XRRA1: variants seen among roughly 807,000 people sequenced by gnomAD.
XRRA1 encodes X-ray radiation resistance associated 1.
A neutral mutation model predicts 80.2 loss-of-function variants in XRRA1; 69 were observed. The ratio of observed to expected loss-of-function variants is 0.86; its 90% CI spans 0.71 to 1.05. The LOEUF (loss-of-function observed/expected upper bound fraction) is 1.05. Ranked by LOEUF, XRRA1 falls within the 50% of genes least tolerant of loss-of-function variation. The pLI is 0.00. For missense variants in XRRA1, 967 were observed against 976.4 expected (o/e 0.99, Z 0.13); for synonymous variants, 348 against 389.9 (o/e 0.89, Z 1.27).
chr11:74,854,677 AT>A (rs2040652196), intron 12 of XRRA1, among the ~76,000 whole-genome samples: 1 of 152,200 alleles, frequency 6.6e-6, no homozygotes, highest in Non-Finnish European at 1.5e-5. Context: ...GATTGGGCCC[AT>A]GGCCCAAATC....
intron 8 of XRRA1, among the ~76,000 whole-genome samples, chr11:74,908,531 T>A (rs1217516069): frequency 6.6e-6 from 1 of 152,224 alleles, no homozygotes; most frequent in Non-Finnish European, 1.5e-5. Context: ...ATTTCACAGG[T>A]GCATTTAGAG....
intron 10 of XRRA1, among the ~76,000 whole-genome samples, chr11:74,884,747 C>G (rs998766073): frequency 7.2e-5 from 11 of 152,164 alleles, no homozygotes; most frequent in African/African-American, 2.7e-4. Flanking sequence ...AGGGCTGCTT[C>G]AATACCAGAA....
rs934924567 is a variant in XRRA1 at position 74,851,146 on chromosome 11, C to T, written c.1322G>A (p.Arg441Gln). The part of the protein sequence containing the change: ...LQERLGIHLI[R>Q]RKIVKPKHHV... ...ATGCTTAGGCTTTACTATCTTCCTT[C>T]GAATTAAGTGGATTCCCAGTCGCTC... Residue 441 changes from arginine (R) to glutamine (Q), a missense_variant, in exon 14 of 19, where the codon CGA (arginine) becomes CAA (glutamine). Transcript: ENST00000684022. The T allele has an allele frequency of 9.9e-6, 16 of 1,612,994 alleles. No individual in the cohort carries two copies. Among genetic ancestry groups the T allele is most frequent in the South Asian group, 3.3e-5 (3 of 91,038 alleles).
chr11:74,927,514 T>A (rs769431376), intron 6 of XRRA1, 26 bp from the exon 7 acceptor site: 1 of 1,468,878 alleles, frequency 6.8e-7, no homozygotes, highest in East Asian at 2.3e-5. Flanking sequence ...AAAGAGAGAG[T>A]CTGCAGCTTG....
At chr11:74,844,138 A>G (rs745387863) in intron 17 of XRRA1, 30 bp downstream of exon 17, 7 of 1,599,676 alleles carry the variant, frequency 4.4e-6, no homozygotes, top group Non-Finnish European at 6.0e-6. Flanking sequence ...CTCAGGGGCC[A>G]TTTACACATT....
At chr11:74,944,726 T>G (rs1198370283) in intron 2 of XRRA1, among the ~76,000 whole-genome samples, 1 of 152,212 alleles carries the variant, frequency 6.6e-6, no homozygotes, top group Non-Finnish European at 1.5e-5. Context: ...TCCCAGCATG[T>G]AGCATAGAGC....
chr11:74,948,144 C>A (rs1027743828), intron 1 of XRRA1, among the ~76,000 whole-genome samples: 1 of 152,150 alleles, frequency 6.6e-6, no homozygotes, highest in African/African-American at 2.4e-5. Context: ...TTGTTTAATT[C>A]TTTAGACGCT....
At chr11:74,857,050 G>A (rs1361631942) in intron 12 of XRRA1, among the ~76,000 whole-genome samples, 2 of 151,924 alleles carry the variant, frequency 1.3e-5, no homozygotes, top group African/African-American at 4.8e-5. Context: ...GCCTCCTTTT[G>A]GCACCTACCA....
At chr11:74,869,196 T>C (rs373937724) in intron 10 of XRRA1, among the ~76,000 whole-genome samples, 1 of 152,080 alleles carries the variant, frequency 6.6e-6, no homozygotes, top group African/African-American at 2.4e-5. Flanking sequence ...AGAAAATTGC[T>C]CAAAACCATA....
At chr11:74,895,568 A>G (rs1189621245) in intron 10 of XRRA1, among the ~76,000 whole-genome samples, 1 of 152,232 alleles carries the variant, frequency 6.6e-6, no homozygotes, top group Non-Finnish European at 1.5e-5. Flanking sequence ...AGGGTGGCAC[A>G]TGACCTAGAG....
intron 12 of XRRA1, among the ~76,000 whole-genome samples, chr11:74,858,847 A>G (rs2041704410): frequency 6.6e-6 from 1 of 152,164 alleles, no homozygotes; most frequent in Admixed American, 6.5e-5. Flanking sequence ...TGTCCATATC[A>G]GTCTTCCTGT....
chr11:74,893,466 C>T (rs748351782), intron 10 of XRRA1, among the ~76,000 whole-genome samples: 1 of 151,954 alleles, frequency 6.6e-6, no homozygotes, highest in Non-Finnish European at 1.5e-5. Context: ...TGATGAGCTG[C>T]TGGGTGCAGC....
Position 74,896,698 on chromosome 11 carries a change from C to T in XRRA1, c.1003+9541G>A, listed in dbSNP as rs141475024. On this transcript the variant is annotated intron_variant, in intron 10 of 18. Coordinates refer to ENST00000684022, the MANE Select transcript of XRRA1 (RefSeq NM_001378157.1). ...GGGGCCACAGGGGTGCTTGCATCACCGCACCCTCAGTTTCAGATGGCTTGG... is the reference window on the plus strand; with the variant it reads ...GGGGCCACAGGGGTGCTTGCATCACTGCACCCTCAGTTTCAGATGGCTTGG... Among the ~76,000 whole-genome samples the T allele has an allele frequency of 7.2e-4, 110 of 152,198 alleles. 1 individual carries two copies. The highest frequency in any genetic ancestry group is 3.4e-3 in the Middle Eastern group (1 of 294).
chr11:74,929,152 T>C (rs990368774), intron 6 of XRRA1, among the ~76,000 whole-genome samples: 3 of 152,186 alleles, frequency 2.0e-5, no homozygotes, highest in East Asian at 1.9e-4. Context: ...ACTGAACTTA[T>C]CCTATTTCCC....
At chr11:74,883,033 C>A (rs1196364237) in intron 10 of XRRA1, among the ~76,000 whole-genome samples, 1 of 152,238 alleles carries the variant, frequency 6.6e-6, no homozygotes, top group Non-Finnish European at 1.5e-5. Flanking sequence ...CTGTGGTGGG[C>A]TCCACCCAGT....
At chr11:74,944,990 C>T (rs1377914362) in intron 2 of XRRA1, 28 bp downstream of exon 2, 1 of 152,524 alleles carries the variant, frequency 6.6e-6, no homozygotes, top group Non-Finnish European at 1.5e-5. Flanking sequence ...AATATGGTGA[C>T]CTGGCTTCAG....
intron 10 of XRRA1, chr11:74,876,980 G>T (rs1192570569): frequency 6.6e-6 from 1 of 152,166 alleles, no homozygotes. Context: ...AATTCTTGGT[G>T]AGTAAAATTT....
At chr11:74,850,071 G>A (rs774906278) in intron 14 of XRRA1, among the ~76,000 whole-genome samples, 4 of 152,164 alleles carry the variant, frequency 2.6e-5, no homozygotes, top group Non-Finnish European at 4.4e-5. Flanking sequence ...TTTGGCCACT[G>A]GCATCTGTGT....
Position 74,877,731 on chromosome 11 carries a change from C to A in XRRA1, c.1004-14710G>T, listed in dbSNP as rs1346507033. Among the ~76,000 whole-genome samples, 159 of 151,162 alleles carry A rather than the reference C, an allele frequency of 1.1e-3. 1 individual carries two copies. The highest frequency in any genetic ancestry group is 3.6e-3 in the African/African-American group (149 of 41,192). Reference sequence around the variant, plus strand: ...TGCGGTGTTTGGTTTTCTGTTCTTGCGATAGTTTACTGAGAATGATGATTT... The same window carrying A: ...TGCGGTGTTTGGTTTTCTGTTCTTGAGATAGTTTACTGAGAATGATGATTT... On this transcript the variant is annotated intron_variant, in intron 10 of 18. Coordinates refer to ENST00000684022, the MANE Select transcript of XRRA1 (RefSeq NM_001378157.1).
Sources: gnomAD v4.1 joint callset for allele counts (sites outside exome capture counted in the v4.1 genomes callset) on GRCh38, gnomAD v4.1.1 for gene constraint, MANE v1.5 for transcripts, NCBI Gene and HGNC (gene_info 2026-07-23, HGNC 2026-07-21) for gene names.